The following PIK3AP1 variants were observed in gnomAD, a reference collection of about 807,000 sequenced individuals.
The protein encoded by PIK3AP1 is phosphoinositide-3-kinase adaptor protein 1.
Under a neutral mutation model 88.1 loss-of-function variants are expected in PIK3AP1, and 21 were observed. The observed-to-expected ratio is 0.24, with a 90% CI of 0.17 to 0.34. The LOEUF is 0.34. PIK3AP1 is among the 10% of genes least tolerant of loss of function. The pLI, the probability that PIK3AP1 is intolerant of heterozygous loss-of-function variation, is 1.00. For missense variants in PIK3AP1, 828 were observed against 1,035.7 expected (o/e 0.80, Z 2.75); for synonymous variants, 398 against 400.0 (o/e 1.00, Z 0.06).
intron 16 of PIK3AP1, among the ~76,000 whole-genome samples, chr10:96,596,584 A>C (rs975982563): frequency 2.0e-5 from 3 of 152,176 alleles, no homozygotes; most frequent in African/African-American, 7.2e-5. Flanking sequence ...GGAATTTCCA[A>C]AGCCTGCTTC....
Position 96,648,804 on chromosome 10 carries a change from C to T in PIK3AP1, c.1040G>A (p.Gly347Glu). Residue 347 changes from glycine (G) to glutamate (E), a missense_variant, in exon 7 of 17, where the codon GGA (glycine) becomes GAA (glutamate). By Grantham distance (98) the Gly-to-Glu change is moderately conservative (BLOSUM62 -2). This residue lies in a region of PIK3AP1 where 610 missense variants were observed against 760.1 expected (regional missense o/e 0.80). Coordinates refer to ENST00000339364, the MANE Select transcript of PIK3AP1 (RefSeq NM_152309.3). Reference sequence around the variant, plus strand: ...CAACAAGGCAGTGAGGTTCTTCAGTCCATACTTCGCAGCAAAATGCAACAG... The same window carrying T: ...CAACAAGGCAGTGAGGTTCTTCAGTTCATACTTCGCAGCAAAATGCAACAG... Reference protein sequence around the residue: ...PTLLHFAAKYGLKNLTALLLT... With the variant: ...PTLLHFAAKYELKNLTALLLT... 6.2e-7 allele frequency: 1 copy of T among 1,600,002 alleles called. No homozygotes were observed. The highest frequency in any genetic ancestry group is 8.5e-7 in the Non-Finnish European group (1 of 1,174,188).
intron 2 of PIK3AP1, among the ~76,000 whole-genome samples, chr10:96,657,779 G>A (rs1431797751): frequency 1.3e-5 from 2 of 152,140 alleles, no homozygotes; most frequent in Non-Finnish European, 2.9e-5. Flanking sequence ...GGTTAAGAAT[G>A]GTTGAGAGGG....
intron 2 of PIK3AP1, among the ~76,000 whole-genome samples, chr10:96,660,140 T>G (rs544459385): frequency 3.4e-4 from 52 of 152,258 alleles, no homozygotes; most frequent in Non-Finnish European, 5.0e-4. Flanking sequence ...AGTACAGATC[T>G]GTTCTGCGAA....
At chr10:96,673,693 ATT>A (rs1365474175) in intron 2 of PIK3AP1, among the ~76,000 whole-genome samples, 1 of 152,054 alleles carries the variant, frequency 6.6e-6, no homozygotes, top group African/African-American at 2.4e-5. Flanking sequence ...TGATGTCTGG[ATT>A]TACTGGTGTG....
chr10:96,709,864 G>C lies in PIK3AP1; in HGVS notation c.133C>G (p.His45Asp). The C allele has an allele frequency of 6.2e-7, 1 of 1,613,972 alleles. No homozygotes were observed. Among genetic ancestry groups the C allele is most frequent in the Non-Finnish European group, 8.5e-7 (1 of 1,180,018 alleles). ...AAGGAGGCCTCGGGGCCCAGCCTGT[G>C]AGTCAGTATCTTCTGGCTGCGGACC... ...RQVRSQKILT[H>D]RLGPEASFSA... The change falls in exon 2 of 17, where the codon CAC becomes GAC. Residue 45 changes from histidine (H) to aspartate (D), a missense_variant. By Grantham distance (81) the His-to-Asp change is moderately conservative (BLOSUM62 -1). Coordinates refer to ENST00000339364, the MANE Select transcript of PIK3AP1 (RefSeq NM_152309.3).
chr10:96,715,706 T>C (rs932433839), intron 1 of PIK3AP1, among the ~76,000 whole-genome samples: 5 of 151,756 alleles, frequency 3.3e-5, no homozygotes, highest in East Asian at 1.9e-4. Flanking sequence ...CTGGCTAACA[T>C]GGTGAAAACC....
intron 2 of PIK3AP1, among the ~76,000 whole-genome samples, chr10:96,658,613 T>G (rs1268767512): frequency 6.6e-6 from 1 of 152,004 alleles, no homozygotes. Flanking sequence ...TAGCCTAGAG[T>G]GGAGGTCCCG....
At position 96,672,895 on chromosome 10, in the gene PIK3AP1, T is replaced by C. The variant is rs557039936; in HGVS notation, c.431-15961A>G. Reference sequence around the variant, plus strand: ...CAGTGCCTCTGAACTTTTTGATTTGTTCTCCTTTGCTCCTTTCAGTGTCTC... The same window carrying C: ...CAGTGCCTCTGAACTTTTTGATTTGCTCTCCTTTGCTCCTTTCAGTGTCTC... On this transcript the variant is annotated intron_variant, in intron 2 of 16. Transcript: ENST00000339364. 3.3e-5 allele frequency among the ~76,000 whole-genome samples: 5 copies of C among 152,314 alleles called. No homozygotes were observed. The South Asian group carries it at 1.0e-3, about 32-fold the overall frequency.
At chr10:96,612,983 T>TATATATA (rs1235766797) in intron 13 of PIK3AP1, among the ~76,000 whole-genome samples, 2 of 31,912 alleles carry the variant, frequency 6.3e-5, no homozygotes, top group African/African-American at 2.7e-4. Flanking sequence ...TATATATATA[T>TATATATA]TTTTTTTTTT....
intron 6 of PIK3AP1, 47 bp from the exon 7 acceptor site, chr10:96,648,902 A>C (rs1219708128): frequency 6.8e-7 from 1 of 1,470,172 alleles, no homozygotes; most frequent in Non-Finnish European, 9.1e-7. Flanking sequence ...AAATAAAGGC[A>C]CAGGGTGCCC....
At chr10:96,716,723 ATC>A (rs1844507575) in intron 1 of PIK3AP1, among the ~76,000 whole-genome samples, 1 of 151,944 alleles carries the variant, frequency 6.6e-6, no homozygotes, top group Non-Finnish European at 1.5e-5. Context: ...CCTCAATCAC[ATC>A]TCTCTTTTTT....
intron 3 of PIK3AP1, among the ~76,000 whole-genome samples, chr10:96,654,177 G>C (rs1380954942): frequency 1.3e-5 from 2 of 152,080 alleles, no homozygotes; most frequent in East Asian, 3.9e-4. Flanking sequence ...CCAAACCATC[G>C]AGCGCCTCGA....
chr10:96,694,241 T>C (rs963989087), intron 2 of PIK3AP1, among the ~76,000 whole-genome samples: 1 of 152,156 alleles, frequency 6.6e-6, no homozygotes, highest in Non-Finnish European at 1.5e-5. Flanking sequence ...AACTTCACAA[T>C]GGCAGGGGGT....
rs371865710 is a variant in PIK3AP1, at chr10:96,609,817, C to T, written c.2065G>A (p.Val689Met). ...IRHSQHLPAKVEFGVYESGPR... is the reference protein window; with the variant it reads ...IRHSQHLPAKMEFGVYESGPR... ...CCACTCTCATAGACTCCAAACTCCA[C>T]TTTTGCAGGCAGGTGCTGTGAGTGC... The change falls in exon 14 of 17, where the codon GTG (valine) becomes ATG (methionine). Residue 689 changes from valine (V) to methionine (M), a missense_variant. This residue lies in a region of PIK3AP1 where 191 missense variants were observed against 208.6 expected (regional missense o/e 0.92). Coordinates refer to ENST00000339364, the MANE Select transcript of PIK3AP1 (RefSeq NM_152309.3). 130 of 1,614,080 alleles carry T rather than the reference C, an allele frequency of 8.1e-5. 1 individual carries two copies. Among genetic ancestry groups the T allele is most frequent in the Non-Finnish European group, 1.1e-4 (124 of 1,180,016 alleles).
At chr10:96,697,328 T>C (rs1224679131) in intron 2 of PIK3AP1, among the ~76,000 whole-genome samples, 1 of 152,238 alleles carries the variant, frequency 6.6e-6, no homozygotes, top group Non-Finnish European at 1.5e-5. Flanking sequence ...ACCAGGTCTG[T>C]ACACGCGAAC....
chr10:96,607,513 C>T (rs1472559272), intron 14 of PIK3AP1, among the ~76,000 whole-genome samples: 4 of 151,980 alleles, frequency 2.6e-5, no homozygotes, highest in Non-Finnish European at 1.5e-5. Flanking sequence ...AGTCAACCTC[C>T]CGCCCAGGAT....
intron 1 of PIK3AP1, among the ~76,000 whole-genome samples, chr10:96,714,347 A>T (rs114516050): frequency 0.031 from 4,724 of 152,308 alleles, 239 homozygotes; most frequent in African/African-American, 0.1. Flanking sequence ...CATTTTACAG[A>T]CACAGACATT....
intron 2 of PIK3AP1, among the ~76,000 whole-genome samples, chr10:96,670,674 C>A (rs1843833937): frequency 6.6e-6 from 1 of 152,132 alleles, no homozygotes; most frequent in African/African-American, 2.4e-5. Context: ...ATATTGGAGA[C>A]CTGTCAGCAA....
chr10:96,703,563 A>T (rs1455564610), intron 2 of PIK3AP1, among the ~76,000 whole-genome samples: 1 of 152,210 alleles, frequency 6.6e-6, no homozygotes, highest in East Asian at 1.9e-4. Context: ...GTCTAACAGA[A>T]TCTATTTTTA....
Sources: allele counts gnomAD v4.1 joint callset (sites outside exome capture counted in the v4.1 genomes callset), GRCh38; gene constraint gnomAD v4.1.1; regional missense constraint gnomAD v4.1.1; transcripts MANE v1.5; gene names NCBI Gene and HGNC (gene_info 2026-07-23, HGNC 2026-07-21).